Variants in CNST observed in about 807,000 individuals in gnomAD.
CNST encodes the protein consortin, connexin sorting protein.
Under a neutral mutation model 72.4 loss-of-function variants are expected in CNST, and 39 were observed. That is an observed-to-expected ratio of 0.54 (90% CI 0.42 to 0.70). The LOEUF (loss-of-function observed/expected upper bound fraction) is 0.70, where lower values mean the gene tolerates loss of function less well. Among genes scored for constraint, CNST ranks in the 30% least tolerant of loss-of-function variants. CNST has a pLI of 0.00. For synonymous variants in CNST, 332 were observed against 320.1 expected (o/e 1.04, Z -0.40); for missense variants, 871 against 868.5 (o/e 1.00, Z -0.04).
At chr1:246,641,452 C>A (rs1234222118) in intron 6 of CNST, among the ~76,000 whole-genome samples, 1 of 152,128 alleles carries the variant, frequency 6.6e-6, no homozygotes, top group Non-Finnish European at 1.5e-5. Flanking sequence ...TGTGTGAAAT[C>A]GTCTTTATTA....
chr1:246,665,915 A>G lies in CNST; in HGVS notation c.*10A>G. On this transcript the variant is annotated 3_prime_UTR_variant, in exon 11 of 11. Coordinates refer to ENST00000366513, the MANE Select transcript of CNST (RefSeq NM_152609.3). ...GATCTACCTCTCCTAGCAGCATTCC[A>G]GACACAGACATGCTGGCAGTGAGAG... 6.3e-7 allele frequency: 1 copy of G among 1,579,878 alleles called. No individual in the cohort carries two copies. The highest frequency in any genetic ancestry group is 8.7e-7 in the Non-Finnish European group (1 of 1,150,476).
At chr1:246,656,043 A>T (rs1259293139) in intron 9 of CNST, among the ~76,000 whole-genome samples, 1 of 152,224 alleles carries the variant, frequency 6.6e-6, no homozygotes, top group African/African-American at 2.4e-5. Flanking sequence ...CTGGCACTTA[A>T]GTTATTTGTC....
Position 246,599,232 on chromosome 1 carries a change from A to G in CNST, c.379+7291A>G, listed in dbSNP as rs145308452. Among the ~76,000 whole-genome samples, 352 of 152,150 alleles carry G rather than the reference A, an allele frequency of 2.3e-3. 3 individuals carry two copies. Among genetic ancestry groups the G allele is most frequent in the African/African-American group, 8.1e-3 (336 of 41,500 alleles). On this transcript the variant is annotated intron_variant, in intron 2 of 10. Transcript: ENST00000366513. The stretch of plus-strand genomic sequence containing the variant: ...TGTGTTAGTTTTCTATTGCTACTGG[A>G]ACAAGTTATCACAAATTTACAAATC...
intron 1 of CNST, among the ~76,000 whole-genome samples, chr1:246,571,936 G>GT (rs926546272): frequency 6.6e-6 from 1 of 152,116 alleles, no homozygotes; most frequent in Non-Finnish European, 1.5e-5. Context: ...TAATTGCCCT[G>GT]TTTTTTTCTG....
In CNST at chr1:246,590,901, C is replaced by G. The variant is rs1029122577; in HGVS notation, c.-51-611C>G. On this transcript the variant is annotated intron_variant, in intron 1 of 10. Transcript: ENST00000366513. ...TAAGTGTTCAAAAGGATTTTGATGA[C>G]AACTCTAAGGTACCTTCCAGGGCTT... Among the ~76,000 whole-genome samples, 4 of 142,268 alleles carry G rather than the reference C, an allele frequency of 2.8e-5. No individual in the cohort carries two copies. The Admixed American group carries it at 2.9e-4, about 10-fold the overall frequency. The allele number at this position is 142,268 out of a possible 152,430, so 93.3% of individuals were successfully genotyped here.
At chr1:246,641,628 G>A (rs923855014) in intron 6 of CNST, 121 bp from the exon 7 acceptor site, 6 of 647,018 alleles carry the variant, frequency 9.3e-6, no homozygotes, top group Non-Finnish European at 1.7e-5. Context: ...GAAATGTTCT[G>A]TGCTAATATT....
chr1:246,595,007 TAG>T (rs1250811874), intron 2 of CNST, among the ~76,000 whole-genome samples: 1 of 152,206 alleles, frequency 6.6e-6, no homozygotes, highest in East Asian at 1.9e-4. Flanking sequence ...AGTGCATCTA[TAG>T]AGTTTTTATA....
chr1:246,646,684 T>C (rs767617221), intron 8 of CNST, among the ~76,000 whole-genome samples: 6 of 152,208 alleles, frequency 3.9e-5, no homozygotes, highest in African/African-American at 1.2e-4. Flanking sequence ...TTCTCCATGT[T>C]GGTCAGGCTG....
intron 2 of CNST, among the ~76,000 whole-genome samples, chr1:246,621,203 C>T (rs560607387): frequency 5.1e-4 from 78 of 152,180 alleles, no homozygotes; most frequent in Non-Finnish European, 1.0e-3. Context: ...ATCTGAATTC[C>T]TGCTACTCTC....
chr1:246,637,402 C>T (rs958172095), intron 6 of CNST, among the ~76,000 whole-genome samples: 2 of 152,208 alleles, frequency 1.3e-5, no homozygotes, highest in Non-Finnish European at 2.9e-5. Context: ...GCCTCATTCG[C>T]TGCTTCACAA....
chr1:246,605,126 T>C (rs954523555), intron 2 of CNST, among the ~76,000 whole-genome samples: 1 of 152,250 alleles, frequency 6.6e-6, no homozygotes, highest in African/African-American at 2.4e-5. Flanking sequence ...GTTGATGAAT[T>C]CAGTGTGCTT....
rs150125148 is a variant in CNST, at chr1:246,621,373, T to C, written c.380-56T>C. The C allele has an allele frequency of 5.5e-5, 73 of 1,323,456 alleles. 1 individual carries two copies. The African/African-American group carries it at 8.7e-4, about 16-fold the overall frequency. The allele number at this position is 1,323,456 out of a possible 1,614,324, so 82.0% of individuals were successfully genotyped here. On this transcript the variant is annotated intron_variant, in intron 2 of 10. Coordinates refer to ENST00000366513, the MANE Select transcript of CNST (RefSeq NM_152609.3). ...CAAACTATATGTAATTGTTTTAATG[T>C]GTTACACCATCATGGGAATTGATCC...
intron 3 of CNST, among the ~76,000 whole-genome samples, chr1:246,629,315 C>T (rs1431238094): frequency 6.6e-6 from 1 of 152,208 alleles, no homozygotes; most frequent in African/African-American, 2.4e-5. Flanking sequence ...CACATCTTCT[C>T]TTCCTGCTAG....
intron 2 of CNST, among the ~76,000 whole-genome samples, chr1:246,609,924 G>T (rs1663190202): frequency 6.6e-6 from 1 of 152,088 alleles, no homozygotes; most frequent in African/African-American, 2.4e-5. Context: ...ATAATGTTGT[G>T]CAACCATCAT....
At chr1:246,571,628 T>C (rs1359722433) in intron 1 of CNST, among the ~76,000 whole-genome samples, 3 of 152,234 alleles carry the variant, frequency 2.0e-5, no homozygotes, top group African/African-American at 7.2e-5. Flanking sequence ...CAAGATGATT[T>C]TTCCTTTTAG....
chr1:246,597,373 G>C (rs1661960030), intron 2 of CNST, among the ~76,000 whole-genome samples: 1 of 152,170 alleles, frequency 6.6e-6, no homozygotes, highest in Non-Finnish European at 1.5e-5. Flanking sequence ...CCCATTAGCA[G>C]TCACTCCTCA....
intron 1 of CNST, among the ~76,000 whole-genome samples, chr1:246,586,923 G>A (rs1661237139): frequency 6.6e-6 from 1 of 152,120 alleles, no homozygotes; most frequent in Non-Finnish European, 1.5e-5. Context: ...TGATTATAGT[G>A]GTTAAGGATA....
At chr1:246,663,547 C>T (rs948556960) in intron 10 of CNST, among the ~76,000 whole-genome samples, 4 of 152,076 alleles carry the variant, frequency 2.6e-5, no homozygotes, top group Admixed American at 6.5e-5. Flanking sequence ...TTGAGACCAG[C>T]CTGGCCAATA....
At chr1:246,621,937 T>C (rs560869782) in intron 3 of CNST, among the ~76,000 whole-genome samples, 2 of 152,128 alleles carry the variant, frequency 1.3e-5, no homozygotes, top group Admixed American at 6.5e-5. Context: ...AAAGGTTGCA[T>C]TGAGCTGACA....
Sources: allele counts gnomAD v4.1 joint callset (sites outside exome capture counted in the v4.1 genomes callset), GRCh38; gene constraint gnomAD v4.1.1; transcripts MANE v1.5; gene names NCBI Gene and HGNC (gene_info 2026-07-23, HGNC 2026-07-21).